RBMS3: variants seen among roughly 807,000 people sequenced by gnomAD.
RBMS3 encodes RNA binding motif single stranded interacting protein 3, also known as RNA-binding motif, single-stranded-interacting protein 3.
A neutral mutation model predicts 66.8 loss-of-function variants in RBMS3; 27 were observed. The ratio of observed to expected loss-of-function variants is 0.40; its 90% CI spans 0.30 to 0.56. RBMS3 has a LOEUF of 0.56. RBMS3 is among the 20% of genes least tolerant of loss of function. RBMS3 has a pLI of 0.40. For missense variants in RBMS3, 513 were observed against 549.5 expected (o/e 0.93, Z 0.66); for synonymous variants, 188 against 183.0 (o/e 1.03, Z -0.22).
intron 3 of RBMS3, among the ~76,000 whole-genome samples, chr3:29,522,976 C>T (rs1164520572): frequency 6.6e-6 from 1 of 152,192 alleles, no homozygotes; most frequent in African/African-American, 2.4e-5. Context: ...AGCACACAGT[C>T]ACTTATTATC....
chr3:29,837,671 T>C (rs2058552883), intron 6 of RBMS3, among the ~76,000 whole-genome samples: 3 of 52,876 alleles, frequency 5.7e-5, no homozygotes, highest in Non-Finnish European at 8.2e-5. Flanking sequence ...AACATATATA[T>C]ATATATATAT....
chr3:29,539,994 G>C (rs912114026), intron 3 of RBMS3, among the ~76,000 whole-genome samples: 2 of 152,092 alleles, frequency 1.3e-5, no homozygotes, highest in Admixed American at 1.3e-4. Flanking sequence ...GTCTCACCTA[G>C]GTGCCTCTTG....
intron 1 of RBMS3, among the ~76,000 whole-genome samples, chr3:29,341,275 A>G (rs1193287646): frequency 6.6e-6 from 1 of 152,074 alleles, no homozygotes; most frequent in Non-Finnish European, 1.5e-5. Flanking sequence ...AATGTTTTGT[A>G]TATTCTCTCA....
chr3:29,416,013 G>A (rs1435500384), intron 1 of RBMS3, among the ~76,000 whole-genome samples: 2 of 152,124 alleles, frequency 1.3e-5, no homozygotes, highest in Non-Finnish European at 1.5e-5. Flanking sequence ...AAGTGGAAAC[G>A]CATAGGAAAA....
Position 30,005,173 on chromosome 3 carries a change from T to G in RBMS3, c.*1311T>G, listed in dbSNP as rs1424816352. 1 of 144,384 alleles carries G rather than the reference T, an allele frequency of 6.9e-6. No individual in the cohort carries two copies. Among genetic ancestry groups the G allele is most frequent in the African/African-American group, 2.6e-5 (1 of 38,064 alleles). The allele number at this position is 144,384 out of a possible 1,614,324, so 8.9% of individuals were successfully genotyped here. A position where few individuals can be genotyped will look rare whatever the true frequency, so the allele number is the denominator to read the frequency against. On this transcript the variant is annotated 3_prime_UTR_variant, in exon 15 of 15. Coordinates refer to ENST00000383767, the MANE Select transcript of RBMS3 (RefSeq NM_001003793.3). ...TTCTTTGTTGTTTGTTTAAACTACC[T>G]TCCACTGGTGTTTTACATAGTGCAA...
At chr3:29,328,415 T>C (rs1304173562) in intron 1 of RBMS3, among the ~76,000 whole-genome samples, 4 of 152,150 alleles carry the variant, frequency 2.6e-5, no homozygotes, top group Non-Finnish European at 5.9e-5. Flanking sequence ...AAAAAGGACA[T>C]TGGTATTACA....
chr3:29,784,144 CAGAA>C (rs2056737299), intron 6 of RBMS3, among the ~76,000 whole-genome samples: 1 of 152,028 alleles, frequency 6.6e-6, no homozygotes, highest in Non-Finnish European at 1.5e-5. Flanking sequence ...GTCATCAAGA[CAGAA>C]AGTCAACAAA....
At position 29,781,362 on chromosome 3, in the gene RBMS3, G is replaced by C. The variant is rs1169379176; in HGVS notation, c.637+18373G>C. On this transcript the variant is annotated intron_variant, in intron 6 of 14. Coordinates refer to ENST00000383767, the MANE Select transcript of RBMS3 (RefSeq NM_001003793.3). Reference sequence around the variant, plus strand: ...TAAGGTATTTACAATTCACCCACATGGTTATATGTATCATTAGTTTGTTCC... The same window carrying C: ...TAAGGTATTTACAATTCACCCACATCGTTATATGTATCATTAGTTTGTTCC... Among the ~76,000 whole-genome samples the C allele has an allele frequency of 5.3e-5, 8 of 152,066 alleles. No individual in the cohort carries two copies. The East Asian group carries it at 1.6e-3, about 29-fold the overall frequency.
At chr3:29,803,336 C>T (rs1490893691) in intron 6 of RBMS3, among the ~76,000 whole-genome samples, 2 of 152,128 alleles carry the variant, frequency 1.3e-5, no homozygotes, top group Non-Finnish European at 2.9e-5. Flanking sequence ...TAAGTGGTGA[C>T]TCTGAAGATG....
chr3:29,894,134 G>T (rs1474377770), intron 8 of RBMS3, among the ~76,000 whole-genome samples: 1 of 151,540 alleles, frequency 6.6e-6, no homozygotes, highest in East Asian at 1.9e-4. Flanking sequence ...AGTTCTGAAT[G>T]GTAGAAATTC....
intron 6 of RBMS3, among the ~76,000 whole-genome samples, chr3:29,835,608 A>G (rs978906269): frequency 1.4e-4 from 21 of 151,946 alleles, no homozygotes; most frequent in Non-Finnish European, 2.7e-4. Flanking sequence ...ATACAAAAAC[A>G]CATGGGATGC....
intron 12 of RBMS3, among the ~76,000 whole-genome samples, chr3:29,979,221 C>T (rs1054026582): frequency 2.0e-5 from 3 of 152,088 alleles, no homozygotes; most frequent in Admixed American, 2.0e-4. Flanking sequence ...ATATAAGAAC[C>T]TATATTTCTC....
Position 30,009,277 on chromosome 3 carries a change from G to A in RBMS3, c.*5415G>A, listed in dbSNP as rs1351428292. On this transcript the variant is annotated 3_prime_UTR_variant, in exon 15 of 15. Coordinates refer to ENST00000383767, the MANE Select transcript of RBMS3 (RefSeq NM_001003793.3). ...TTTTTCTTTTCAGCGTGTAGGGCTT[G>A]GGCTCTGTTTCCTTTTATTAGCATG... 2.0e-5 allele frequency: 3 copies of A among 151,920 alleles called. No homozygotes were observed. The highest frequency in any genetic ancestry group is 6.6e-5 in the Admixed American group (1 of 15,238). 9.4% of individuals were successfully genotyped at this position (151,920 alleles called of 1,614,324 possible). A position where few individuals can be genotyped will look rare whatever the true frequency, so the allele number is the denominator to read the frequency against.
At chr3:29,745,298 C>A (rs553353542) in intron 5 of RBMS3, among the ~76,000 whole-genome samples, 1 of 151,966 alleles carries the variant, frequency 6.6e-6, no homozygotes, top group East Asian at 1.9e-4. Flanking sequence ...GATCCACCCC[C>A]CTCCAGGCAG....
chr3:29,340,935 T>C (rs935527700), intron 1 of RBMS3, among the ~76,000 whole-genome samples: 5 of 152,106 alleles, frequency 3.3e-5, no homozygotes, highest in Non-Finnish European at 5.9e-5. Context: ...GCTTTTTAAA[T>C]TAATTTAAAC....
intron 1 of RBMS3, among the ~76,000 whole-genome samples, chr3:29,431,594 A>G (rs2041207232): frequency 6.6e-6 from 1 of 152,022 alleles, no homozygotes; most frequent in Non-Finnish European, 1.5e-5. Flanking sequence ...CCCAGCCAAA[A>G]AACGTTTATT....
intron 2 of RBMS3, among the ~76,000 whole-genome samples, chr3:29,451,472 A>G (rs993871843): frequency 6.6e-6 from 1 of 152,134 alleles, no homozygotes. Flanking sequence ...AAAAAAGACC[A>G]CTCAACCAGC....
chr3:29,606,981 A>G (rs1020070795), intron 4 of RBMS3, among the ~76,000 whole-genome samples: 6 of 152,030 alleles, frequency 3.9e-5, no homozygotes, highest in African/African-American at 1.4e-4. Context: ...TAAATTAATA[A>G]ATAAAATAAT....
chr3:29,423,228 G>C (rs1207331034), intron 1 of RBMS3, among the ~76,000 whole-genome samples: 1 of 152,124 alleles, frequency 6.6e-6, no homozygotes, highest in Non-Finnish European at 1.5e-5. Flanking sequence ...CTGCCAAAGA[G>C]AGACACATTT....
Sources: gnomAD v4.1 joint callset for allele counts (sites outside exome capture counted in the v4.1 genomes callset) on GRCh38, gnomAD v4.1.1 for gene constraint, MANE v1.5 for transcripts, NCBI Gene and HGNC (gene_info 2026-07-23, HGNC 2026-07-21) for gene names.